EML4: variants seen among roughly 807,000 people sequenced by gnomAD.
EML4 encodes the protein EMAP like 4.
A neutral mutation model predicts 129.0 loss-of-function variants in EML4; 72 were observed. The ratio of observed to expected loss-of-function variants is 0.56; its 90% CI spans 0.46 to 0.68. The LOEUF is 0.68. Among genes scored for constraint, EML4 ranks in the 30% least tolerant of loss-of-function variants. The pLI, the probability that EML4 is intolerant of heterozygous loss-of-function variation, is 0.00. For synonymous variants in EML4, 532 were observed against 405.0 expected (o/e 1.31, Z -3.77); for missense variants, 1,363 against 1,190.6 (o/e 1.14, Z -2.13).
intron 7 of EML4, among the ~76,000 whole-genome samples, chr2:42,282,584 G>A (rs545829668): frequency 1.6e-4 from 24 of 152,118 alleles, no homozygotes; most frequent in African/African-American, 5.3e-4. Flanking sequence ...CTGTCGAGAT[G>A]GGGTCTCACT....
intron 17 of EML4, among the ~76,000 whole-genome samples, chr2:42,305,060 G>C (rs745445341): frequency 2.6e-5 from 4 of 152,046 alleles, no homozygotes; most frequent in Non-Finnish European, 4.4e-5. Flanking sequence ...CAGTTGCAGT[G>C]AGCCGAGATT....
intron 1 of EML4, among the ~76,000 whole-genome samples, chr2:42,198,845 G>T (rs574325425): frequency 6.6e-6 from 1 of 152,204 alleles, no homozygotes; most frequent in African/African-American, 2.4e-5. Context: ...TTCCTTCCCT[G>T]TGTCTCTCTC....
At chr2:42,186,854 G>C (rs1454550890) in intron 1 of EML4, among the ~76,000 whole-genome samples, 3 of 152,016 alleles carry the variant, frequency 2.0e-5, no homozygotes, top group Admixed American at 1.3e-4. Context: ...GGAGTACAAT[G>C]GGTCTTTAAA....
chr2:42,318,619 C>T (rs1007438639), intron 19 of EML4, among the ~76,000 whole-genome samples: 6 of 152,214 alleles, frequency 3.9e-5, no homozygotes, highest in African/African-American at 1.2e-4. Context: ...TGGAATAGTA[C>T]ACAACATGAT....
intron 2 of EML4, among the ~76,000 whole-genome samples, chr2:42,246,128 C>T (rs915925516): frequency 6.6e-6 from 1 of 152,000 alleles, no homozygotes; most frequent in African/African-American, 2.4e-5. Context: ...TAGCAGAATC[C>T]TGAAAAAATT....
Position 42,325,554 on chromosome 2 carries a change from T to G in EML4, c.2242T>G (p.Trp748Gly). Residue 748 changes from tryptophan to glycine, a missense_variant and splice_region_variant, in exon 20 of 23, where the codon TGG becomes GGG. Transcript: ENST00000318522. ...SNSGDYEILYWDIPNGCKLIR... is the reference protein window; with the variant it reads ...SNSGDYEILYGDIPNGCKLIR... The stretch of plus-strand genomic sequence containing the variant: ...CTCGGGAGACTATGAAATATTGTAC[T>G]GTAAGTATGAATGATTTTATATATA... 1 of 1,183,670 alleles carries G rather than the reference T, an allele frequency of 8.4e-7. No individual in the cohort carries two copies. 73.3% of individuals were successfully genotyped at this position (1,183,670 alleles called of 1,614,324 possible).
At chr2:42,303,479 C>G (rs1668412129) in intron 16 of EML4, 33 bp downstream of exon 16, 1 of 1,602,894 alleles carries the variant, frequency 6.2e-7, no homozygotes, top group African/African-American at 1.3e-5. Flanking sequence ...ATTAACCTCC[C>G]CACAGAAACT....
At chr2:42,253,577 A>G (rs1328369680) in intron 2 of EML4, among the ~76,000 whole-genome samples, 1 of 152,084 alleles carries the variant, frequency 6.6e-6, no homozygotes, top group Non-Finnish European at 1.5e-5. Context: ...CTCGAGATAA[A>G]CTCAACATAA....
chr2:42,292,486 AGAAAT>A (rs1667701916), intron 11 of EML4, among the ~76,000 whole-genome samples: 1 of 152,246 alleles, frequency 6.6e-6, no homozygotes, highest in South Asian at 2.1e-4. Context: ...AATGGATTTT[AGAAAT>A]GAAATGTTGA....
intron 2 of EML4, among the ~76,000 whole-genome samples, chr2:42,255,836 C>T (rs1340398852): frequency 6.6e-6 from 1 of 152,174 alleles, no homozygotes; most frequent in African/African-American, 2.4e-5. Context: ...ATGTGTGGAA[C>T]TTCCTAAGGT....
chr2:42,304,615 G>T (rs1668488614), intron 17 of EML4, 64 bp downstream of exon 17: 1 of 1,203,298 alleles, frequency 8.3e-7, no homozygotes, highest in African/African-American at 1.5e-5. Context: ...ATTCAGGAAT[G>T]TTCTCAATCT....
intron 1 of EML4, among the ~76,000 whole-genome samples, chr2:42,195,208 G>A (rs1224154046): frequency 1.3e-5 from 2 of 152,020 alleles, no homozygotes; most frequent in Admixed American, 6.6e-5. Context: ...TTGTTTCATT[G>A]CAAGTAAGAG....
Position 42,328,911 on chromosome 2 carries a change from G to C in EML4, c.2367G>C (p.Gly789=). 1 of 1,612,602 alleles carries C rather than the reference G, an allele frequency of 6.2e-7. No homozygotes were observed. Among genetic ancestry groups the C allele is most frequent in the Non-Finnish European group, 8.5e-7 (1 of 1,179,220 alleles). The change falls in exon 22 of 23, where the codon GGG becomes GGC. Residue 789 remains glycine, a synonymous_variant. Coordinates refer to ENST00000318522, the MANE Select transcript of EML4 (RefSeq NM_019063.5). ...VFGVWPEGSD[G]TDINALVRSH... is the part of the protein sequence containing the mutation. ...GTGTCTGGCCAGAAGGATCTGATGGGACAGATATCAATGCACTGGTGCGAT... is the reference window on the plus strand; with the variant it reads ...GTGTCTGGCCAGAAGGATCTGATGGCACAGATATCAATGCACTGGTGCGAT...
intron 1 of EML4, among the ~76,000 whole-genome samples, chr2:42,224,889 C>T (rs1673854277): frequency 6.6e-6 from 1 of 152,062 alleles, no homozygotes; most frequent in African/African-American, 2.4e-5. Flanking sequence ...AGAACTTTTT[C>T]ATCATATTAG....
At chr2:42,311,912 A>AT (rs1055681241) in intron 17 of EML4, among the ~76,000 whole-genome samples, 21 of 152,122 alleles carry the variant, frequency 1.4e-4, no homozygotes, top group Admixed American at 1.2e-3. Flanking sequence ...GTCTCGCTAC[A>AT]TTGACCAGTC....
intron 2 of EML4, among the ~76,000 whole-genome samples, chr2:42,254,231 G>T (rs1340288699): frequency 6.6e-6 from 1 of 152,120 alleles, no homozygotes. Flanking sequence ...GAGGCAGGTG[G>T]ATTGCTTGAA....
intron 2 of EML4, 38 bp downstream of exon 2, chr2:42,245,725 T>G: frequency 1.3e-6 from 2 of 1,508,442 alleles, no homozygotes; most frequent in South Asian, 1.3e-5. Context: ...TCTTGCTTTT[T>G]GCAATATTTT....
chr2:42,182,193 A>T (rs1340784746), intron 1 of EML4, among the ~76,000 whole-genome samples: 2 of 139,218 alleles, frequency 1.4e-5, no homozygotes, highest in African/African-American at 2.7e-5. Context: ...GTTTTAGGGT[A>T]CATGTGCACA....
intron 1 of EML4, among the ~76,000 whole-genome samples, chr2:42,232,085 AAG>A (rs1417936081): frequency 2.6e-5 from 4 of 152,286 alleles, no homozygotes; most frequent in Admixed American, 2.0e-4. Context: ...AGTTTTGAAA[AAG>A]AGATTTGACT....
Sources: allele counts gnomAD v4.1 joint callset (sites outside exome capture counted in the v4.1 genomes callset), GRCh38; gene constraint gnomAD v4.1.1; transcripts MANE v1.5; gene names NCBI Gene and HGNC (gene_info 2026-07-23, HGNC 2026-07-21).